ZP3: variants seen among roughly 807,000 people sequenced by gnomAD.
ZP3 encodes zona pellucida sperm-binding protein 3.
A neutral mutation model predicts 35.6 loss-of-function variants in ZP3; 21 were observed. The observed-to-expected ratio is 0.59, with a 90% CI of 0.42 to 0.85. ZP3 has a LOEUF of 0.85. Among genes scored for constraint, ZP3 ranks in the 40% least tolerant of loss-of-function variants. The probability of loss-of-function intolerance (pLI) is 0.00; values close to 1 mark genes in which losing one functional copy is unlikely to be tolerated. For synonymous variants in ZP3, 207 were observed against 214.5 expected, an observed-to-expected ratio of 0.96 and a Z score of 0.31; for missense variants, 437 against 536.5, an observed-to-expected ratio of 0.81 and a Z score of 1.83.
chr7:76,404,975 C>G (rs941335117), intron 1 of ZP3, among the ~76,000 whole-genome samples: 1 of 151,534 alleles, frequency 6.6e-6, no homozygotes, highest in Non-Finnish European at 1.5e-5. Context: ...GAAGCTGAGG[C>G]AGGAGAATCT....
At chr7:76,407,536 G>A (rs1209535747) in intron 1 of ZP3, among the ~76,000 whole-genome samples, 2 of 151,954 alleles carry the variant, frequency 1.3e-5, no homozygotes, top group Non-Finnish European at 2.9e-5. Context: ...TTTCAAGACC[G>A]GCCTAGGCAA....
At chr7:76,437,468 CTCT>C in intron 5 of ZP3, among the ~76,000 whole-genome samples, 1 of 146,682 alleles carries the variant, frequency 6.8e-6, no homozygotes, top group African/African-American at 2.6e-5. Context: ...TCACACTCCC[CTCT>C]TTTTTTTTTT....
intron 1 of ZP3, among the ~76,000 whole-genome samples, chr7:76,427,130 T>G (rs1255964502): frequency 1.3e-5 from 2 of 152,036 alleles, no homozygotes; most frequent in Admixed American, 6.6e-5. Context: ...GGACCAGCTG[T>G]GGGTAATAAG....
chr7:76,410,856 G>A (rs2115835711), intron 1 of ZP3, among the ~76,000 whole-genome samples: 1 of 151,918 alleles, frequency 6.6e-6, no homozygotes. Flanking sequence ...TTAGTCAGGT[G>A]TGGTGGCGGG....
intron 5 of ZP3, among the ~76,000 whole-genome samples, chr7:76,437,244 C>T (rs1180323171): frequency 2.2e-5 from 3 of 136,976 alleles, no homozygotes; most frequent in Admixed American, 8.5e-5. Context: ...GGCATGATCT[C>T]GGTTCACTGC....
chr7:76,406,439 C>T (rs1238026419), intron 1 of ZP3, among the ~76,000 whole-genome samples: 1 of 151,972 alleles, frequency 6.6e-6, no homozygotes, highest in Non-Finnish European at 1.5e-5. Flanking sequence ...AATATAGTCT[C>T]CCTTTCAAAT....
At chr7:76,437,484 T>G (rs1297991564) in intron 5 of ZP3, among the ~76,000 whole-genome samples, 11 of 150,760 alleles carry the variant, frequency 7.3e-5, no homozygotes, top group African/African-American at 2.2e-4. Context: ...TTTTTTTTTT[T>G]TTTGTTTTTT....
chr7:76,397,596 G>T (rs1455999543), exon 1 of ZP3: 1 of 1,607,492 alleles, frequency 6.2e-7, no homozygotes, highest in Admixed American at 1.7e-5. Context: ...GCTGCCAGGC[G>T]GGGCTCGCCG....
intron 1 of ZP3, chr7:76,404,508 G>A: frequency 6.2e-7 from 1 of 1,610,364 alleles, no homozygotes; most frequent in East Asian, 2.2e-5. Flanking sequence ...TGGAACATCT[G>A]AAATTAAAGA....
At chr7:76,413,770 A>G (rs925785361) in intron 1 of ZP3, among the ~76,000 whole-genome samples, 4 of 149,208 alleles carry the variant, frequency 2.7e-5, no homozygotes, top group Middle Eastern at 8.0e-3. Flanking sequence ...AGGTTGAAGT[A>G]ATCCTCCCAC....
At chr7:76,435,525 G>T (rs1314194928) in intron 5 of ZP3, among the ~76,000 whole-genome samples, 1 of 152,252 alleles carries the variant, frequency 6.6e-6, no homozygotes, top group Admixed American at 6.5e-5. Context: ...TGGTTAGGAA[G>T]TGATTAAAGT....
At chr7:76,400,362 C>G in intron 1 of ZP3, 1 of 1,582,224 alleles carries the variant, frequency 6.3e-7, no homozygotes, top group Non-Finnish European at 8.6e-7. Context: ...ACTCGCTCAG[C>G]GCAGCTTCCT....
At chr7:76,415,740 C>T (rs1190066783) in intron 1 of ZP3, among the ~76,000 whole-genome samples, 2 of 151,530 alleles carry the variant, frequency 1.3e-5, no homozygotes, top group Non-Finnish European at 2.9e-5. Flanking sequence ...CGTGATCCAC[C>T]CGCCTCGGCC....
At chr7:76,436,671 G>C (rs1425856525) in intron 5 of ZP3, among the ~76,000 whole-genome samples, 1 of 152,242 alleles carries the variant, frequency 6.6e-6, no homozygotes, top group Non-Finnish European at 1.5e-5. Flanking sequence ...GCTTCAGTGG[G>C]GCTGGGGATA....
Position 76,404,639 on chromosome 7 carries a change from T to C in ZP3, c.-67+6842T>C, listed in dbSNP as rs11760803. 0.45 allele frequency: 317,205 copies of C among 699,752 alleles called. 73,681 individuals carry two copies. The highest frequency in any genetic ancestry group is 0.57 in the African/African-American group (31,313 of 55,092). The allele number at this position is 699,752 out of a possible 1,614,324, so 43.3% of individuals were successfully genotyped here. A position where few individuals can be genotyped will look rare whatever the true frequency, so the allele number is the denominator to read the frequency against. On this transcript the variant is annotated intron_variant, in intron 1 of 8. Transcript: ENST00000336517. ...AGACCCCCATCTCTACAAAAAGTTT[T>C]TAAAAATGAGGCCGGGTGTGGTGGC...
intron 1 of ZP3, among the ~76,000 whole-genome samples, chr7:76,404,953 C>A (rs1472524362): frequency 6.6e-6 from 1 of 151,478 alleles, no homozygotes; most frequent in East Asian, 2.0e-4. Context: ...ACCTGTAATC[C>A]CAGCTACTCG....
intron 1 of ZP3, among the ~76,000 whole-genome samples, chr7:76,427,138 A>G (rs189013899): frequency 6.6e-6 from 1 of 152,256 alleles, no homozygotes; most frequent in East Asian, 1.9e-4. Context: ...TGTGGGTAAT[A>G]AGGATCTCAG....
chr7:76,398,608 T>C, intron 1 of ZP3: 3 of 1,254,912 alleles, frequency 2.4e-6, no homozygotes, highest in Non-Finnish European at 3.4e-6. Context: ...CCCAGCCATT[T>C]TCTCTAACTT....
chr7:76,432,393 C>T (rs1805857540), intron 2 of ZP3, among the ~76,000 whole-genome samples: 1 of 152,088 alleles, frequency 6.6e-6, no homozygotes, highest in Middle Eastern at 3.2e-3. Flanking sequence ...ACCATGTTAG[C>T]CAGGATGGTC....
Sources: allele counts gnomAD v4.1 joint callset (sites outside exome capture counted in the v4.1 genomes callset), GRCh38; gene constraint gnomAD v4.1.1; transcripts MANE v1.5; gene names NCBI Gene and HGNC (gene_info 2026-07-23, HGNC 2026-07-21).